ADPRHL1: variants seen among roughly 807,000 people sequenced by gnomAD.
ADPRHL1 encodes the protein ADP-ribosylhydrolase like 1, also known as inactive ADP-ribosyltransferase ARH2.
In ADPRHL1, 43 loss-of-function variants were observed where a neutral mutation model predicts 44.1. That is an observed-to-expected ratio of 0.98 (90% CI 0.76 to 1.26). The LOEUF (loss-of-function observed/expected upper bound fraction) is 1.26, where lower values mean the gene tolerates loss of function less well. Among genes scored for constraint, ADPRHL1 ranks in the 50% most tolerant of loss-of-function variants. The pLI is 0.00. For synonymous variants in ADPRHL1, 878 were observed against 1,017.4 expected (o/e 0.86, Z 2.61); for missense variants, 2,022 against 2,496.9 (o/e 0.81, Z 4.05).
chr13:113,403,409 C>T lies in ADPRHL1; in HGVS notation c.5873G>A (p.Arg1958Lys). The change falls in exon 8 of 8, where the codon AGG (arginine) becomes AAG (lysine). Residue 1958 changes from arginine to lysine, a missense_variant. Coordinates refer to ENST00000612156, the MANE Select transcript of ADPRHL1 (RefSeq NM_001394807.1). ...TGGGAGCTCAGACGTGTCGCTGGCC[C>T]TGACGCTCATTGGTCTGAAGGACAA... ...FDLSFRPMSVRASDTSELPK is the reference protein window; with the variant it reads ...FDLSFRPMSVKASDTSELPK 8.1e-7 allele frequency: 1 copy of T among 1,232,116 alleles called. No homozygotes were observed. Among genetic ancestry groups the T allele is most frequent in the Non-Finnish European group, 1.0e-6 (1 of 987,984 alleles). The allele number at this position is 1,232,116 out of a possible 1,614,324, so 76.3% of individuals were successfully genotyped here. A position where few individuals can be genotyped will look rare whatever the true frequency, so the allele number is the denominator to read the frequency against.
Position 113,441,035 on chromosome 13 carries a change from C to T in ADPRHL1, c.379+3390G>A, listed in dbSNP as rs2044094503. On this transcript the variant is annotated intron_variant, in intron 2 of 7. Transcript: ENST00000612156. This position sits in a 1 kb window ranked among gnomAD's most constrained non-coding sequence, Gnocchi z 6.0. ...AGGTGTGGTGGTGGGCGCCCGTAGT[C>T]CCAGCTACTTGGGAGGTGGAGGCAG... is the stretch of plus-strand genomic sequence containing the variant. Among the ~76,000 whole-genome samples the T allele has an allele frequency of 6.6e-6, 1 of 151,908 alleles. No individual in the cohort carries two copies. The highest frequency in any genetic ancestry group is 1.5e-5 in the Non-Finnish European group (1 of 67,960).
At position 113,402,163 on chromosome 13, in the gene ADPRHL1, G is replaced by A. The variant is rs1012286136; in HGVS notation, c.*1215C>T. On this transcript the variant is annotated 3_prime_UTR_variant, in exon 8 of 8. Transcript: ENST00000612156. ...GCGACAGGCTGCATCGGTTCACGCT[G>A]AAAATCCAGCTGCTCCGGGGCCACT... 4 of 152,266 alleles carry A rather than the reference G, an allele frequency of 2.6e-5. No homozygotes were observed. Among genetic ancestry groups the A allele is most frequent in the Admixed American group, 6.5e-5 (1 of 15,290 alleles). 9.4% of individuals were successfully genotyped at this position (152,266 alleles called of 1,614,324 possible).
chr13:113,418,245 G>A (rs1416510547), intron 7 of ADPRHL1, among the ~76,000 whole-genome samples: 2 of 152,228 alleles, frequency 1.3e-5, no homozygotes, highest in African/African-American at 4.8e-5. Flanking sequence ...TTCTAGTGGA[G>A]CATGGAATAG....
Position 113,406,218 on chromosome 13 carries a change from A to C in ADPRHL1, c.3064T>G (p.Ser1022Ala), listed in dbSNP as rs898850727. The change falls in exon 8 of 8, where the codon TCC becomes GCC. Residue 1022 changes from serine (S) to alanine (A), a missense_variant. Ser to Ala is a moderately conservative substitution (Grantham distance 99). Transcript: ENST00000612156. The stretch of plus-strand genomic sequence containing the variant: ...GGGGACGGCACTTGCTGGCTGCTGG[A>C]GGCATGGCTGGTGTTTCCCCTCAGA... ...NLLRGNTSHA[S>A]SSQQVPSPTG... 4.9e-6 allele frequency: 6 copies of C among 1,232,086 alleles called. No homozygotes were observed. The Admixed American group carries it at 1.7e-4, about 35-fold the overall frequency. The allele number at this position is 1,232,086 out of a possible 1,614,324, so 76.3% of individuals were successfully genotyped here.
chr13:113,434,460 C>T (rs1357555819), intron 2 of ADPRHL1, among the ~76,000 whole-genome samples: 8 of 147,880 alleles, frequency 5.4e-5, no homozygotes, highest in Non-Finnish European at 3.0e-5. Context: ...TAGGTGTACC[C>T]TGTGACCCAG....
chr13:113,431,447 T>C (rs1303132889), intron 3 of ADPRHL1, among the ~76,000 whole-genome samples: 1 of 152,182 alleles, frequency 6.6e-6, no homozygotes, highest in Non-Finnish European at 1.5e-5. Flanking sequence ...CAAGAGTCTA[T>C]GAATGGTTCT....
Position 113,407,616 on chromosome 13 carries a change from C to G in ADPRHL1, c.1666G>C (p.Glu556Gln). The G allele has an allele frequency of 8.1e-7, 1 of 1,232,136 alleles. No individual in the cohort carries two copies. Among genetic ancestry groups the G allele is most frequent in the Non-Finnish European group, 1.0e-6 (1 of 988,040 alleles). 76.3% of individuals were successfully genotyped at this position (1,232,136 alleles called of 1,614,324 possible). A position where few individuals can be genotyped will look rare whatever the true frequency, so the allele number is the denominator to read the frequency against. Residue 556 changes from glutamate (E) to glutamine (Q), a missense_variant, in exon 8 of 8, where the codon GAG becomes CAG. Physicochemically the swap from Glu to Gln is conservative, Grantham distance 29. Transcript: ENST00000612156. Reference protein sequence around the residue: ...SVLSKLREKFEQNSCLCSEAS... With the variant: ...SVLSKLREKFQQNSCLCSEAS... ...TCGGAGCACAGGCAGCTGTTCTGCT[C>G]GAACTTCTCCCGCAGCTTGGACAGC...
At position 113,407,884 on chromosome 13, in the gene ADPRHL1, G is replaced by A. The variant is rs749062637; in HGVS notation, c.1398C>T (p.Leu466=). The change falls in exon 8 of 8, where the codon CTC becomes CTT. Residue 466 remains leucine (L), a synonymous_variant. Transcript: ENST00000612156. ...GGAGCTTGTTGATGGTGGCACCCAC[G>A]AGGCCCCCACCCGGCCCCTGCTTGT... ...SKDKQGPGGG[L]VGATINKLLE... 1.2e-5 allele frequency: 15 copies of A among 1,231,886 alleles called. No homozygotes were observed. Among genetic ancestry groups the A allele is most frequent in the African/African-American group, 6.2e-5 (4 of 64,436 alleles). The allele number at this position is 1,231,886 out of a possible 1,614,324, so 76.3% of individuals were successfully genotyped here.
chr13:113,404,435 GC>G lies in ADPRHL1; in HGVS notation c.4846del (p.Ala1616ProfsTer7). The G allele has an allele frequency of 7.6e-7, 1 of 1,322,478 alleles. No individual in the cohort carries two copies. The highest frequency in any genetic ancestry group is 9.6e-7 in the Non-Finnish European group (1 of 1,043,834). The allele number at this position is 1,322,478 out of a possible 1,614,324, so 81.9% of individuals were successfully genotyped here. On this transcript the variant is annotated frameshift_variant, in exon 8 of 8. Transcript: ENST00000612156. LOFTEE classifies it low-confidence loss of function (END_TRUNC). ...GGCCTTTATCTGGGTCTGCCACTGGGCCTGTCCCTGAGCCTCTTCCTGGGCC... is the reference window on the plus strand; with the variant it reads ...GGCCTTTATCTGGGTCTGCCACTGGGCTGTCCCTGAGCCTCTTCCTGGGCC... ...KWAQEEAQGQ[A>X]QWQTQIKAQK...
intron 1 of ADPRHL1, among the ~76,000 whole-genome samples, chr13:113,452,378 T>C (rs1382547651): frequency 1.3e-5 from 2 of 152,178 alleles, no homozygotes; most frequent in Non-Finnish European, 2.9e-5. Flanking sequence ...AGAACTAAAC[T>C]GGGCACGTCC....
intron 1 of ADPRHL1, chr13:113,448,887 G>A: frequency 1.0e-6 from 1 of 956,476 alleles, no homozygotes; most frequent in Non-Finnish European, 1.2e-6. Flanking sequence ...CACTTCCCCA[G>A]TTTTCCCAGG....
Position 113,408,083 on chromosome 13 carries a change from G to T in ADPRHL1, c.1199C>A (p.Ala400Glu). 2 of 1,232,040 alleles carry T rather than the reference G, an allele frequency of 1.6e-6. No individual in the cohort carries two copies. Among genetic ancestry groups the T allele is most frequent in the Non-Finnish European group, 2.0e-6 (2 of 987,956 alleles). 76.3% of individuals were successfully genotyped at this position (1,232,040 alleles called of 1,614,324 possible). The change falls in exon 8 of 8, where the codon GCA becomes GAA. Residue 400 changes from alanine to glutamate, a missense_variant. This residue lies in a region of ADPRHL1 where 1,221 missense variants were observed against 1,517.8 expected (regional missense o/e 0.80). Coordinates refer to ENST00000612156, the MANE Select transcript of ADPRHL1 (RefSeq NM_001394807.1). ...GGCCTCTGTCCCCGGGGGCCGGTCT[G>T]CGCGGCCCGTGACGTAGAGCAGCAG... is the stretch of plus-strand genomic sequence containing the variant. ...SSLLLYVTGR[A>E]DRPPGTEAGG...
At position 113,443,927 on chromosome 13, in the gene ADPRHL1, A is replaced by G. The variant is rs1378422811; in HGVS notation, c.379+498T>C. On this transcript the variant is annotated intron_variant, in intron 2 of 7. Coordinates refer to ENST00000612156, the MANE Select transcript of ADPRHL1 (RefSeq NM_001394807.1). ...CACTGCACTCCAGCCTAGATGGCAGAGCAAGACTCCATCTCAAAAAAAAAA... is the reference window on the plus strand; with the variant it reads ...CACTGCACTCCAGCCTAGATGGCAGGGCAAGACTCCATCTCAAAAAAAAAA... 2.0e-5 allele frequency among the ~76,000 whole-genome samples: 3 copies of G among 150,826 alleles called. No homozygotes were observed. In the East Asian group the frequency reaches 5.8e-4, roughly 29 times the overall value.
At chr13:113,435,897 A>T (rs71449004) in intron 2 of ADPRHL1, among the ~76,000 whole-genome samples, 1 of 40,254 alleles carries the variant, frequency 2.5e-5, no homozygotes, top group African/African-American at 8.9e-5. Context: ...CCCGGGACCC[A>T]GCACCCAGGT....
chr13:113,453,224 C>T lies in ADPRHL1; in HGVS notation c.214G>A (p.Asp72Asn), dbSNP rs1409924060. The T allele has an allele frequency of 6.2e-7, 1 of 1,614,042 alleles. No individual in the cohort carries two copies. The highest frequency in any genetic ancestry group is 2.2e-5 in the East Asian group (1 of 44,880). The change falls in exon 1 of 8, where the codon GAC becomes AAC. Residue 72 changes from aspartate to asparagine, a missense_variant and splice_region_variant. Physicochemically the swap from Asp to Asn is conservative, Grantham distance 23. Around this residue, in one of 8 missense-constraint regions of ADPRHL1, gnomAD observed 437 missense variants for 430.7 expected, o/e 1.01. Coordinates refer to ENST00000612156, the MANE Select transcript of ADPRHL1 (RefSeq NM_001394807.1). This position sits in a 1 kb window ranked among gnomAD's most constrained non-coding sequence, Gnocchi z 5.4. The part of the protein sequence containing the change: ...HIATAEALTT[D>N]YWCLDDLYRE... ...CCGGAGCGCGGTGGGCCCAGCCTAC[C>T]TGTGGTGAGGGCCTCGGCGGTTGCG...
chr13:113,400,750 T>C lies in ADPRHL1; in HGVS notation c.*2628A>G, dbSNP rs2043754925. The C allele has an allele frequency of 6.6e-6, 1 of 152,226 alleles. No homozygotes were observed. Among genetic ancestry groups the C allele is most frequent in the Admixed American group, 6.5e-5 (1 of 15,280 alleles). The allele number at this position is 152,226 out of a possible 1,614,324, so 9.4% of individuals were successfully genotyped here. A position where few individuals can be genotyped will look rare whatever the true frequency, so the allele number is the denominator to read the frequency against. On this transcript the variant is annotated 3_prime_UTR_variant, in exon 8 of 8. Coordinates refer to ENST00000612156, the MANE Select transcript of ADPRHL1 (RefSeq NM_001394807.1). ...TGTGCTGTTTTTGAGCTGAGGGCAGTGTCATGCTGGGCTGCATCTGGCACA... is the reference window on the plus strand; with the variant it reads ...TGTGCTGTTTTTGAGCTGAGGGCAGCGTCATGCTGGGCTGCATCTGGCACA...
At chr13:113,415,750 C>CAAAAAAAAAAAAAAAAAA (rs71214119) in intron 7 of ADPRHL1, among the ~76,000 whole-genome samples, 1 of 63,070 alleles carries the variant, frequency 1.6e-5, no homozygotes, top group African/African-American at 6.0e-5. Flanking sequence ...GACTCCATCT[C>CAAAAAAAAAAAAAAAAAA]AAAAAAAAAA....
rs2043801576 is a variant in ADPRHL1 at position 113,405,526 on chromosome 13, TCCTTCCA to T, written c.3749_3755del (p.Val1250GlufsTer76). 8.1e-7 allele frequency: 1 copy of T among 1,232,104 alleles called. No homozygotes were observed. The highest frequency in any genetic ancestry group is 1.0e-6 in the Non-Finnish European group (1 of 988,266). The allele number at this position is 1,232,104 out of a possible 1,614,324, so 76.3% of individuals were successfully genotyped here. A position where few individuals can be genotyped will look rare whatever the true frequency, so the allele number is the denominator to read the frequency against. The stretch of plus-strand genomic sequence containing the variant: ...ACTCTGTGCTGAAACCCAAAAGGTT[TCCTTCCA>T]CAGCCACATCCTTTCTGCCTCCTAC... On this transcript the variant is annotated frameshift_variant, in exon 8 of 8. Coordinates refer to ENST00000612156, the MANE Select transcript of ADPRHL1 (RefSeq NM_001394807.1). LOFTEE classifies it low-confidence loss of function (END_TRUNC).
chr13:113,446,687 T>C lies in ADPRHL1; in HGVS notation c.215-2098A>G, dbSNP rs147944571. On this transcript the variant is annotated intron_variant, in intron 1 of 7. Coordinates refer to ENST00000612156, the MANE Select transcript of ADPRHL1 (RefSeq NM_001394807.1). ...CATGGTGTTGTCTACACACATGGTA[T>C]TGTCTGTCCTGCATGTATGATATTG... 1.1e-4 allele frequency among the ~76,000 whole-genome samples: 16 copies of C among 152,174 alleles called. No individual in the cohort carries two copies. In the East Asian group the frequency reaches 2.7e-3, roughly 26 times the overall value.
Sources: allele counts gnomAD v4.1 joint callset (sites outside exome capture counted in the v4.1 genomes callset), GRCh38; gene constraint gnomAD v4.1.1; regional missense constraint gnomAD v4.1.1; non-coding constraint Gnocchi (gnomAD v3.1); transcripts MANE v1.5; gene names NCBI Gene and HGNC (gene_info 2026-07-23, HGNC 2026-07-21).